Variants in ATAD2 observed in about 807,000 individuals in gnomAD.
ATAD2 encodes the protein ATPase family AAA domain-containing protein 2.
In ATAD2, 62 loss-of-function variants were observed where a neutral mutation model predicts 168.9. The ratio of observed to expected loss-of-function variants is 0.37; its 90% CI spans 0.30 to 0.45. The LOEUF (loss-of-function observed/expected upper bound fraction) is 0.45, where lower values mean the gene tolerates loss of function less well. Among genes scored for constraint, ATAD2 ranks in the 20% least tolerant of loss-of-function variants. The pLI is 1.00. For missense variants in ATAD2, 1,419 were observed against 1,667.8 expected (o/e 0.85, Z 2.60); for synonymous variants, 613 against 571.6 (o/e 1.07, Z -1.03).
At chr8:123,356,265 A>C in intron 13 of ATAD2, 124 bp downstream of exon 13, 1 of 686,532 alleles carries the variant, frequency 1.5e-6, no homozygotes, top group Non-Finnish European at 2.4e-6. Flanking sequence ...CTGGGGTTCT[A>C]CTACCAAAAA....
At chr8:123,322,893 G>T (rs759181017) in intron 27 of ATAD2, 45 bp downstream of exon 27, 3 of 1,577,082 alleles carry the variant, frequency 1.9e-6, no homozygotes, top group South Asian at 2.3e-5. Context: ...ATATATTAAT[G>T]TGACCACAAG....
intron 1 of ATAD2, among the ~76,000 whole-genome samples, chr8:123,408,422 C>A (rs1586914908): frequency 6.6e-6 from 1 of 152,178 alleles, no homozygotes; most frequent in African/African-American, 2.4e-5. Flanking sequence ...GGAGGAATGA[C>A]CCAAAGATGC....
At chr8:123,415,217 C>T (rs904858191) in intron 1 of ATAD2, among the ~76,000 whole-genome samples, 4 of 152,100 alleles carry the variant, frequency 2.6e-5, no homozygotes, top group African/African-American at 9.7e-5. Context: ...TTTGAGGAGG[C>T]TAAAGATAGG....
Position 123,346,558 on chromosome 8 carries a change from CTCATT to C in ATAD2, c.2345+55_2345+59del, listed in dbSNP as rs574039126. On this transcript the variant is annotated intron_variant, in intron 17 of 27. Coordinates refer to ENST00000287394, the MANE Select transcript of ATAD2 (RefSeq NM_014109.4). Reference sequence around the variant, plus strand: ...GCACTTTTTATTTTTTCAACCACATCTCATTTATTTTTAGAAAATTTACACATGCA... The same window carrying C: ...GCACTTTTTATTTTTTCAACCACATCTATTTTTAGAAAATTTACACATGCA... 8.5e-4 allele frequency: 1,188 copies of C among 1,394,934 alleles called. 16 individuals are homozygous for C. In the South Asian group the frequency reaches 0.017, roughly 20 times the overall value. The allele number at this position is 1,394,934 out of a possible 1,614,324, so 86.4% of individuals were successfully genotyped here. A position where few individuals can be genotyped will look rare whatever the true frequency, so the allele number is the denominator to read the frequency against.
chr8:123,412,321 T>C (rs898000773), intron 1 of ATAD2, among the ~76,000 whole-genome samples: 1 of 152,250 alleles, frequency 6.6e-6, no homozygotes, highest in African/African-American at 2.4e-5. Flanking sequence ...TGTATTTTAA[T>C]TAATAAAAAT....
At position 123,334,293 on chromosome 8, in the gene ATAD2, A is replaced by G; in HGVS notation, c.3241T>C (p.Leu1081=). ...ATTATGGCATAGGCAGTATCTCTTA[A>G]AGCACAGGCTCTATGCCTAATAAGA... ...DRLIRHRACA[L]RDTAYAIIKE... Residue 1081 remains leucine (L), a synonymous_variant, in exon 23 of 28, where the codon TTA becomes CTA. Coordinates refer to ENST00000287394, the MANE Select transcript of ATAD2 (RefSeq NM_014109.4). The G allele has an allele frequency of 6.3e-7, 1 of 1,593,690 alleles. No homozygotes were observed. The highest frequency in any genetic ancestry group is 8.5e-7 in the Non-Finnish European group (1 of 1,174,602).
In ATAD2 at chr8:123,333,963, G is replaced by A. The variant is rs374846909; in HGVS notation, c.3393C>T (p.Ser1131=). 6.8e-6 allele frequency: 11 copies of A among 1,613,950 alleles called. No homozygotes were observed. Among genetic ancestry groups the A allele is most frequent in the African/African-American group, 1.3e-5 (1 of 74,914 alleles). The change falls in exon 24 of 28, where the codon TCC becomes TCT. Residue 1131 remains serine, a synonymous_variant. Transcript: ENST00000287394. ...SYYHVMPKQN[S]TLVGDKRSDP... is the part of the protein sequence containing the mutation. ...CTGATCTTTTATCACCAACAAGAGT[G>A]GAATTTTGCTTTGGCATCACATGGT...
At chr8:123,408,556 G>A (rs900619577) in intron 1 of ATAD2, among the ~76,000 whole-genome samples, 4 of 151,856 alleles carry the variant, frequency 2.6e-5, no homozygotes, top group African/African-American at 4.8e-5. Context: ...CACTCTTGTC[G>A]CCCAGGCTGG....
upstream of ATAD2, among the ~76,000 whole-genome samples, chr8:123,399,258 C>A (rs1364744820): frequency 7.7e-5 from 11 of 143,534 alleles, no homozygotes; most frequent in African/African-American, 2.0e-4. Context: ...AAGACTCCGT[C>A]TCAAAAAAAA....
At chr8:123,322,845 C>T in intron 27 of ATAD2, 93 bp downstream of exon 27, 2 of 1,337,176 alleles carry the variant, frequency 1.5e-6, no homozygotes, top group Non-Finnish European at 2.0e-6. Flanking sequence ...CAGTTTCTTA[C>T]ACAGATTAAA....
chr8:123,407,308 C>T (rs1376580972), intron 1 of ATAD2, among the ~76,000 whole-genome samples: 1 of 152,184 alleles, frequency 6.6e-6, no homozygotes, highest in Non-Finnish European at 1.5e-5. Flanking sequence ...ACATATAGCA[C>T]CCCTGGGAAA....
In ATAD2 at chr8:123,372,515, G is replaced by A. The variant is rs998857638; in HGVS notation, c.370+122C>T. 20 of 764,328 alleles carry A rather than the reference G, an allele frequency of 2.6e-5. No individual in the cohort carries two copies. In the East Asian group the frequency reaches 3.5e-4, roughly 14 times the overall value. The allele number at this position is 764,328 out of a possible 1,614,324, so 47.3% of individuals were successfully genotyped here. ...TGATGGCTTCATGGCATATACTTAC[G>A]TTAAAACCTAACAAATTATACACTT... is the stretch of plus-strand genomic sequence containing the variant. On this transcript the variant is annotated intron_variant, in intron 3 of 27. Coordinates refer to ENST00000287394, the MANE Select transcript of ATAD2 (RefSeq NM_014109.4).
rs767013115 is a variant in ATAD2, at chr8:123,370,923, T to C, written c.707A>G (p.Asp236Gly). Residue 236 changes from aspartate (D) to glycine (G), a missense_variant, in exon 6 of 28, where the codon GAT becomes GGT. By Grantham distance (94) the Asp-to-Gly change is moderately conservative (BLOSUM62 -1). This residue lies in a region of ATAD2 where 419 missense variants were observed against 423.5 expected (regional missense o/e 0.99). Transcript: ENST00000287394. ...DIQRTDEETT[D>G]NQEGSVESSE... ...CTAACCCACACTGCCTTCTTGATTA[T>C]CAGTTGTTTCTTCATCAGTTCTTTG... 5.0e-6 allele frequency: 8 copies of C among 1,607,178 alleles called. No homozygotes were observed. In the African/African-American group the frequency reaches 8.0e-5, roughly 16 times the overall value.
At chr8:123,339,536 G>T in intron 19 of ATAD2, 90 bp from the exon 20 acceptor site, 1 of 1,250,088 alleles carries the variant, frequency 8.0e-7, no homozygotes, top group Non-Finnish European at 1.1e-6. Context: ...AGACTTTACA[G>T]CAGCATGAAA....
chr8:123,335,798 C>T (rs993852693), intron 22 of ATAD2, among the ~76,000 whole-genome samples: 1 of 151,930 alleles, frequency 6.6e-6, no homozygotes, highest in African/African-American at 2.4e-5. Flanking sequence ...ATACATTGTA[C>T]CCACTAAATT....
intron 9 of ATAD2, 26 bp from the exon 10 acceptor site, chr8:123,359,711 A>G (rs1438263926): frequency 2.6e-6 from 4 of 1,519,266 alleles, no homozygotes; most frequent in Middle Eastern, 1.9e-4. Context: ...TTTTAAAACC[A>G]CACAAACCCA....
At chr8:123,390,985 A>G (rs2129947136) in intron 1 of ATAD2, among the ~76,000 whole-genome samples, 1 of 152,278 alleles carries the variant, frequency 6.6e-6, no homozygotes, top group South Asian at 2.1e-4. Context: ...GCGCCACTGC[A>G]TTCTAGCCTG....
At chr8:123,361,446 C>A in intron 9 of ATAD2, 93 bp downstream of exon 9, 4 of 958,692 alleles carry the variant, frequency 4.2e-6, no homozygotes, top group African/African-American at 1.6e-5. Context: ...TTTTAATCAG[C>A]CAGCCTATAC....
chr8:123,361,507 C>G, intron 9 of ATAD2, 32 bp downstream of exon 9: 1 of 1,532,744 alleles, frequency 6.5e-7, no homozygotes, highest in Non-Finnish European at 9.0e-7. Context: ...AATGTGTCTG[C>G]TAGTTTAAAA....
Sources: allele counts gnomAD v4.1 joint callset (sites outside exome capture counted in the v4.1 genomes callset), GRCh38; gene constraint gnomAD v4.1.1; regional missense constraint gnomAD v4.1.1; transcripts MANE v1.5; gene names NCBI Gene and HGNC (gene_info 2026-07-23, HGNC 2026-07-21).